The following SCIMP variants were observed in gnomAD, a reference collection of about 807,000 sequenced individuals.
SCIMP encodes SLP adapter and CSK-interacting membrane protein.
In SCIMP, 18 loss-of-function variants were observed where a neutral mutation model predicts 22.0. The ratio of observed to expected loss-of-function variants is 0.82; its 90% CI spans 0.56 to 1.21. The LOEUF is 1.21. Among genes scored for constraint, SCIMP ranks in the 50% most tolerant of loss-of-function variants. The pLI is 0.00. For missense variants in SCIMP, 155 were observed against 171.2 expected (o/e 0.91, Z 0.53); for synonymous variants, 53 against 62.2 (o/e 0.85, Z 0.70).
Position 5,209,121 on chromosome 17 carries a change from G to A in SCIMP, c.*1680C>T, listed in dbSNP as rs1026678314. The A allele has an allele frequency of 5.9e-5, 9 of 151,784 alleles. No homozygotes were observed. Among genetic ancestry groups the A allele is most frequent in the African/African-American group, 1.9e-4 (8 of 41,170 alleles). The allele number at this position is 151,784 out of a possible 1,614,324, so 9.4% of individuals were successfully genotyped here. On this transcript the variant is annotated 3_prime_UTR_variant, in exon 5 of 5. Transcript: ENST00000574081. ...GATAACTACTGGCCTAACATAAGGA[G>A]GGTTTATTTATTTATTTATTTATTT... is the stretch of plus-strand genomic sequence containing the variant.
At chr17:5,214,748 G>C (rs745374096) in intron 4 of SCIMP, 177 bp downstream of exon 4, 1 of 542,404 alleles carries the variant, frequency 1.8e-6, no homozygotes, top group Non-Finnish European at 3.3e-6. Context: ...GCTGAGGTAG[G>C]AGAATGGCAT....
intron 1 of SCIMP, among the ~76,000 whole-genome samples, chr17:5,229,818 C>T (rs1480176509): frequency 2.1e-5 from 3 of 143,622 alleles, no homozygotes; most frequent in African/African-American, 7.6e-5. Flanking sequence ...GGAACAAGTT[C>T]CCCTCCCCTC....
intron 3 of SCIMP, chr17:5,215,218 A>G: frequency 1.9e-6 from 1 of 515,214 alleles, no homozygotes; most frequent in Non-Finnish European, 3.5e-6. Context: ...GCTGAAAATG[A>G]GGGGAGGGAA....
At chr17:5,215,539 C>T (rs78880976) in intron 3 of SCIMP, among the ~76,000 whole-genome samples, 5 of 151,918 alleles carry the variant, frequency 3.3e-5, no homozygotes, top group Admixed American at 6.6e-5. Flanking sequence ...ACTTGAACTT[C>T]GGAGGCGGAG....
At chr17:5,227,768 T>C (rs1480209170) in intron 1 of SCIMP, among the ~76,000 whole-genome samples, 3 of 152,202 alleles carry the variant, frequency 2.0e-5, no homozygotes. Context: ...GGCGCTTTCT[T>C]CACAATTTTA....
At chr17:5,223,641 C>G (rs1411368284) in intron 1 of SCIMP, 185 bp from the exon 2 acceptor site, 1 of 548,846 alleles carries the variant, frequency 1.8e-6, no homozygotes, top group Non-Finnish European at 3.3e-6. Flanking sequence ...CCTCCACCTC[C>G]CGGGTTCAAG....
At position 5,214,928 on chromosome 17, in the gene SCIMP, A is replaced by C; in HGVS notation, c.280T>G (p.Ser94Ala). ...PPRNWPSLED[S>A]SPQEAPSQPP... is the part of the protein sequence containing the mutation. ...GCTACCAGTAAAATATACTTACAAGAGTCTTCTAGAGAAGGCCAATTCCTC... is the reference window on the plus strand; with the variant it reads ...GCTACCAGTAAAATATACTTACAAGCGTCTTCTAGAGAAGGCCAATTCCTC... Residue 94 changes from serine (S) to alanine (A), a missense_variant, in exon 4 of 5, where the codon TCT (serine) becomes GCT (alanine). Physicochemically the swap from Ser to Ala is moderately conservative, Grantham distance 99. Transcript: ENST00000574081. The C allele has an allele frequency of 6.3e-7, 1 of 1,577,174 alleles. No homozygotes were observed.
intron 1 of SCIMP, among the ~76,000 whole-genome samples, chr17:5,227,292 AACACACAC>A (rs10681110): frequency 1.2e-3 from 168 of 144,326 alleles, no homozygotes; most frequent in African/African-American, 3.9e-3. Context: ...ACACACACAC[AACACACAC>A]ACACACACAC....
intron 3 of SCIMP, chr17:5,221,010 A>G: frequency 3.8e-6 from 2 of 526,606 alleles, no homozygotes; most frequent in Non-Finnish European, 7.1e-6. Flanking sequence ...GTGAGCCGAG[A>G]TCGTGCCAAT....
At chr17:5,212,635 A>G (rs888509386) in intron 4 of SCIMP, among the ~76,000 whole-genome samples, 3 of 152,164 alleles carry the variant, frequency 2.0e-5, no homozygotes, top group African/African-American at 7.2e-5. Context: ...CTCCATCTCA[A>G]AAAACAAACA....
At chr17:5,217,491 C>T (rs1487046700) in intron 3 of SCIMP, among the ~76,000 whole-genome samples, 2 of 151,474 alleles carry the variant, frequency 1.3e-5, no homozygotes, top group African/African-American at 4.9e-5. Flanking sequence ...ATACGTGTGC[C>T]ATGTTGATGT....
intron 1 of SCIMP, among the ~76,000 whole-genome samples, chr17:5,229,758 C>G (rs528855793): frequency 6.6e-6 from 1 of 151,906 alleles, no homozygotes; most frequent in East Asian, 1.9e-4. Flanking sequence ...GATAGTTATT[C>G]ACGTATTCAC....
intron 4 of SCIMP, chr17:5,214,226 A>G (rs1395775503): frequency 2.0e-5 from 3 of 152,232 alleles, no homozygotes; most frequent in Non-Finnish European, 2.9e-5. Flanking sequence ...ACCCCAGTCT[A>G]TGGTATTTTT....
chr17:5,212,649 A>C (rs1229377455), intron 4 of SCIMP, among the ~76,000 whole-genome samples: 1 of 152,192 alleles, frequency 6.6e-6, no homozygotes, highest in Non-Finnish European at 1.5e-5. Context: ...ACAAACAAAC[A>C]AAAAAATGTA....
chr17:5,223,239 G>T, intron 2 of SCIMP, 94 bp downstream of exon 2: 1 of 1,376,718 alleles, frequency 7.3e-7, no homozygotes. Context: ...AGCTCATTCA[G>T]GCCCAGGATT....
rs564899808 is a variant in SCIMP at position 5,219,046 on chromosome 17, G to A, written c.209+2241C>T. 8.4e-4 allele frequency among the ~76,000 whole-genome samples: 127 copies of A among 151,958 alleles called. 1 individual carries two copies. In the Middle Eastern group the frequency reaches 0.01, roughly 12 times the overall value. The stretch of plus-strand genomic sequence containing the variant: ...CTAATAAGAGTGTCTCCGGCCGGGC[G>A]TGGTGGCTCACGCCTGTAATCCCAG... On this transcript the variant is annotated intron_variant, in intron 3 of 4. Coordinates refer to ENST00000574081, the MANE Select transcript of SCIMP (RefSeq NM_207103.3).
rs34816789 is a variant in SCIMP, at chr17:5,224,442, TTTTGTTTG to T, written c.22-994_22-987del. 2.1e-3 allele frequency among the ~76,000 whole-genome samples: 303 copies of T among 143,798 alleles called. 1 individual carries two copies. Among genetic ancestry groups the T allele is most frequent in the South Asian group, 3.9e-3 (17 of 4,350 alleles). 94.3% of individuals were successfully genotyped at this position (143,798 alleles called of 152,430 possible). A position where few individuals can be genotyped will look rare whatever the true frequency, so the allele number is the denominator to read the frequency against. On this transcript the variant is annotated intron_variant, in intron 1 of 4. Coordinates refer to ENST00000574081, the MANE Select transcript of SCIMP (RefSeq NM_207103.3). ...GTGAGCCACTGCACCAGGCCAGTTT[TTTTGTTTG>T]TTTGTTTGTTTGTTTGTTTGTTTGT...
In SCIMP at chr17:5,210,310, C is replaced by T. The variant is rs1373436765; in HGVS notation, c.*491G>A. The T allele has an allele frequency of 6.5e-6, 1 of 153,384 alleles. No individual in the cohort carries two copies. The highest frequency in any genetic ancestry group is 6.4e-5 in the Admixed American group (1 of 15,516). 9.5% of individuals were successfully genotyped at this position (153,384 alleles called of 1,614,324 possible). ...TGGGCACGAGAGCACTCAGCTGTAA[C>T]TCACCCACAGCCTCACAGTGCAGGA... is the stretch of plus-strand genomic sequence containing the variant. On this transcript the variant is annotated 3_prime_UTR_variant, in exon 5 of 5. Transcript: ENST00000574081.
At position 5,213,109 on chromosome 17, in the gene SCIMP, GT is replaced by G. The variant is rs1290874229; in HGVS notation, c.283+1815del. 4 of 973,264 alleles carry G rather than the reference GT, an allele frequency of 4.1e-6. No individual in the cohort carries two copies. The East Asian group carries it at 4.8e-4, about 116-fold the overall frequency. 60.3% of individuals were successfully genotyped at this position (973,264 alleles called of 1,614,324 possible). On this transcript the variant is annotated intron_variant, in intron 4 of 4. Coordinates refer to ENST00000574081, the MANE Select transcript of SCIMP (RefSeq NM_207103.3). ...ATTCCAGTCAAAGGAACCAGGCAGAGTTTTTCTGATAGGAAGTGAAAGGCCT... is the reference window on the plus strand; with the variant it reads ...ATTCCAGTCAAAGGAACCAGGCAGAGTTTTCTGATAGGAAGTGAAAGGCCT...
Sources: allele counts gnomAD v4.1 joint callset (sites outside exome capture counted in the v4.1 genomes callset), GRCh38; gene constraint gnomAD v4.1.1; transcripts MANE v1.5; gene names NCBI Gene and HGNC (gene_info 2026-07-23, HGNC 2026-07-21).